MAP3K20: variants seen among roughly 807,000 people sequenced by gnomAD.
The protein encoded by MAP3K20 is HCCS-4.
MAP3K20 carries 40 observed loss-of-function variants against 85.7 expected under a neutral mutation model. That is an observed-to-expected ratio of 0.47 (90% CI 0.36 to 0.61). The LOEUF (loss-of-function observed/expected upper bound fraction) is 0.61. MAP3K20 is among the 20% of genes least tolerant of loss of function. MAP3K20 has a pLI of 0.00. For synonymous variants in MAP3K20, 325 were observed against 327.7 expected (o/e 0.99, Z 0.09); for missense variants, 817 against 961.7 (o/e 0.85, Z 1.99).
At position 173,266,783 on chromosome 2, in the gene MAP3K20, T is replaced by TAAAAAAA. The variant is rs3835094; in HGVS notation, c.*44_*50dup. 1.5e-5 allele frequency: 15 copies of TAAAAAAA among 1,031,216 alleles called. 1 individual carries two copies. Among genetic ancestry groups the TAAAAAAA allele is most frequent in the South Asian group, 3.3e-5 (1 of 30,580 alleles). 63.9% of individuals were successfully genotyped at this position (1,031,216 alleles called of 1,614,324 possible). ...AACTACATAGCTTTTCTAAGCAGGT[T>TAAAAAAA]AAAAAAAAAAAAAAAAAGAAATGTA... On this transcript the variant is annotated 3_prime_UTR_variant, in exon 20 of 20. Coordinates refer to ENST00000375213, the MANE Select transcript of MAP3K20 (RefSeq NM_016653.3).
intron 10 of MAP3K20, among the ~76,000 whole-genome samples, chr2:173,213,622 C>G (rs559492616): frequency 6.6e-6 from 1 of 152,258 alleles, no homozygotes; most frequent in Admixed American, 6.5e-5. Flanking sequence ...CAAAATCATA[C>G]AGAACTGAGA....
intron 2 of MAP3K20, among the ~76,000 whole-genome samples, chr2:173,145,945 C>A (rs931040663): frequency 7.9e-5 from 12 of 151,522 alleles, no homozygotes; most frequent in South Asian, 6.3e-4. Context: ...ATATATATAT[C>A]TCAAAAACAA....
chr2:173,097,643 T>C (rs540362470), intron 2 of MAP3K20, among the ~76,000 whole-genome samples: 1 of 152,328 alleles, frequency 6.6e-6, no homozygotes, highest in African/African-American at 2.4e-5. Context: ...AAAAGCATCC[T>C]ACCAAATTTC....
At chr2:173,235,028 C>G (rs1391082746) in intron 14 of MAP3K20, among the ~76,000 whole-genome samples, 1 of 152,172 alleles carries the variant, frequency 6.6e-6, no homozygotes, top group African/African-American at 2.4e-5. Flanking sequence ...TGTTCTCAGG[C>G]TCAAGAAGGA....
chr2:173,231,005 A>T (rs543601186), intron 12 of MAP3K20, among the ~76,000 whole-genome samples: 21 of 152,206 alleles, frequency 1.4e-4, no homozygotes, highest in Admixed American at 3.9e-4. Flanking sequence ...CAAAAAAAAA[A>T]TTTTTTTTAA....
In MAP3K20 at chr2:173,208,692, T is replaced by C. The variant is rs537698947; in HGVS notation, c.745-1037T>C. The stretch of plus-strand genomic sequence containing the variant: ...TGAGAAATGGAAAAATTGCTTTTCT[T>C]AGTAATGTAGGAAGCACTTAAATCC... On this transcript the variant is annotated intron_variant, in intron 9 of 19. Coordinates refer to ENST00000375213, the MANE Select transcript of MAP3K20 (RefSeq NM_016653.3). 1.1e-4 allele frequency among the ~76,000 whole-genome samples: 17 copies of C among 152,300 alleles called. No homozygotes were observed. The East Asian group carries it at 3.3e-3, about 29-fold the overall frequency.
chr2:173,117,608 A>C (rs1172870548), intron 2 of MAP3K20, among the ~76,000 whole-genome samples: 1 of 152,036 alleles, frequency 6.6e-6, no homozygotes, highest in Non-Finnish European at 1.5e-5. Context: ...AATTATATTG[A>C]ATTTTATTTT....
chr2:173,233,830 T>G (rs1281611492), intron 14 of MAP3K20, among the ~76,000 whole-genome samples: 1 of 152,172 alleles, frequency 6.6e-6, no homozygotes, highest in African/African-American at 2.4e-5. Context: ...TTACGGACTC[T>G]CAGCACCCTT....
At chr2:173,197,240 G>T (rs996794355) in intron 7 of MAP3K20, among the ~76,000 whole-genome samples, 1 of 152,076 alleles carries the variant, frequency 6.6e-6, no homozygotes, top group African/African-American at 2.4e-5. Flanking sequence ...TGTTTCAAGA[G>T]AACCCAAAAT....
At chr2:173,118,475 GA>G (rs1428972354) in intron 2 of MAP3K20, among the ~76,000 whole-genome samples, 3 of 151,688 alleles carry the variant, frequency 2.0e-5, no homozygotes, top group African/African-American at 7.3e-5. Flanking sequence ...TTGGTTTTTT[GA>G]GGGGGGTGAC....
At chr2:173,167,879 G>C (rs1689881628) in intron 2 of MAP3K20, among the ~76,000 whole-genome samples, 1 of 152,022 alleles carries the variant, frequency 6.6e-6, no homozygotes, top group Admixed American at 6.6e-5. Flanking sequence ...ACAAAATTCA[G>C]GTGCCCCAAA....
chr2:173,221,892 A>G, intron 11 of MAP3K20: 2 of 994,308 alleles, frequency 2.0e-6, no homozygotes, highest in Non-Finnish European at 2.4e-6. Context: ...AATCATTTTT[A>G]AAAACTTACA....
Position 173,212,191 on chromosome 2 carries a change from T to G in MAP3K20, c.851+2356T>G, listed in dbSNP as rs538488562. On this transcript the variant is annotated intron_variant, in intron 10 of 19. Coordinates refer to ENST00000375213, the MANE Select transcript of MAP3K20 (RefSeq NM_016653.3). ...GTTCATTCATTCATTATCCATTCAT[T>G]GAACTTCTGCTGGTGTGAGAACGAC... 6 of 152,332 alleles carry G rather than the reference T, an allele frequency of 3.9e-5. 1 individual carries two copies. The East Asian group carries it at 9.7e-4, about 25-fold the overall frequency. 9.4% of individuals were successfully genotyped at this position (152,332 alleles called of 1,614,324 possible).
Position 173,266,956 on chromosome 2 carries a change from G to T in MAP3K20, c.*206G>T. 2.4e-6 allele frequency: 1 copy of T among 415,096 alleles called. No individual in the cohort carries two copies. The allele number at this position is 415,096 out of a possible 1,614,324, so 25.7% of individuals were successfully genotyped here. A position where few individuals can be genotyped will look rare whatever the true frequency, so the allele number is the denominator to read the frequency against. ...TTGGTCACCCAGTGATCATAACTAG[G>T]CTTGAAAATCACTACACATATTTTC... On this transcript the variant is annotated 3_prime_UTR_variant, in exon 20 of 20. Coordinates refer to ENST00000375213, the MANE Select transcript of MAP3K20 (RefSeq NM_016653.3).
intron 4 of MAP3K20, among the ~76,000 whole-genome samples, chr2:173,183,293 G>A (rs990836479): frequency 1.3e-5 from 2 of 152,054 alleles, no homozygotes; most frequent in Admixed American, 6.6e-5. Flanking sequence ...CTGTTGTTCT[G>A]AAAGTCTCTA....
chr2:173,255,208 G>A (rs1322459579), intron 16 of MAP3K20, among the ~76,000 whole-genome samples: 1 of 152,222 alleles, frequency 6.6e-6, no homozygotes, highest in African/African-American at 2.4e-5. Context: ...GCTGCAGGGA[G>A]GATGATGGCC....
intron 2 of MAP3K20, among the ~76,000 whole-genome samples, chr2:173,159,488 C>G (rs1247980945): frequency 6.6e-6 from 1 of 151,120 alleles, no homozygotes; most frequent in Non-Finnish European, 1.5e-5. Flanking sequence ...CTCCTAGGTG[C>G]AAGTGATCCT....
Position 173,091,196 on chromosome 2 carries a change from G to C in MAP3K20, c.159+6G>C. On this transcript the variant is annotated splice_donor_region_variant and intron_variant, in intron 2 of 19. Coordinates refer to ENST00000375213, the MANE Select transcript of MAP3K20 (RefSeq NM_016653.3). ...TCCTCAAAATAGAGAAAGAGGTAAG[G>C]TCTTTTCCAGCTGACAGAAACAGTC... is the stretch of plus-strand genomic sequence containing the variant. 1 of 1,607,130 alleles carries C rather than the reference G, an allele frequency of 6.2e-7. No individual in the cohort carries two copies. Among genetic ancestry groups the C allele is most frequent in the Non-Finnish European group, 8.5e-7 (1 of 1,176,388 alleles).
chr2:173,209,815 A>G lies in MAP3K20; in HGVS notation c.831A>G (p.Leu277=), dbSNP rs760293788. The G allele has an allele frequency of 7.4e-6, 12 of 1,614,152 alleles. No individual in the cohort carries two copies. The highest frequency in any genetic ancestry group is 1.0e-5 in the Non-Finnish European group (12 of 1,180,008). ...TTCCTGACAAGTGTAACTCATTCCT[A>G]CACAACAAGGCGGAGTGGAGGTGGG... ...TSLPDKCNSF[L]HNKAEWRCEI... The change falls in exon 10 of 20, where the codon CTA becomes CTG. Residue 277 remains leucine (L), a synonymous_variant. Coordinates refer to ENST00000375213, the MANE Select transcript of MAP3K20 (RefSeq NM_016653.3).
Sources: gnomAD v4.1 joint callset for allele counts (sites outside exome capture counted in the v4.1 genomes callset) on GRCh38, gnomAD v4.1.1 for gene constraint, MANE v1.5 for transcripts, NCBI Gene and HGNC (gene_info 2026-07-23, HGNC 2026-07-21) for gene names.